CSTF3: variants seen among roughly 807,000 people sequenced by gnomAD.
CSTF3 encodes the protein CF-1 77 kDa subunit.
In CSTF3, 29 loss-of-function variants were observed where a neutral mutation model predicts 105.8. The ratio of observed to expected loss-of-function variants is 0.27; its 90% confidence interval spans 0.20 to 0.37. The LOEUF (loss-of-function observed/expected upper bound fraction) is 0.37, where lower values mean the gene tolerates loss of function less well. Among genes scored for constraint, CSTF3 ranks in the 10% least tolerant of loss-of-function variants. The probability of loss-of-function intolerance (pLI) is 1.00; values close to 1 mark genes in which losing one functional copy is unlikely to be tolerated. For missense variants in CSTF3, 357 were observed against 879.3 expected, an observed-to-expected ratio of 0.41 and a Z score of 7.51; for synonymous variants, 252 against 281.9, an observed-to-expected ratio of 0.89 and a Z score of 1.06.
chr11:33,149,987 G>A (rs1446112517), intron 1 of CSTF3, among the ~76,000 whole-genome samples: 2 of 151,410 alleles, frequency 1.3e-5, no homozygotes, highest in Non-Finnish European at 2.9e-5. Flanking sequence ...CCATTGCACT[G>A]CAGCCTGGGC....
At chr11:33,142,066 C>A (rs922518564) in intron 1 of CSTF3, 80 bp from the exon 2 acceptor site, 70 of 1,583,646 alleles carry the variant, frequency 4.4e-5, no homozygotes, top group Admixed American at 1.9e-4. Flanking sequence ...ACAATAAAGT[C>A]CTCAGATGCA....
At position 33,111,366 on chromosome 11, in the gene CSTF3, G is replaced by A. The variant is rs115938129; in HGVS notation, c.226-2948C>T. On this transcript the variant is annotated intron_variant, in intron 3 of 20. Coordinates refer to ENST00000323959, the MANE Select transcript of CSTF3 (RefSeq NM_001326.3). ...TAGTTTAATAAATTATGATGCATTCGCATCATGGAATATTATGTATTCAGC... is the reference window on the plus strand; with the variant it reads ...TAGTTTAATAAATTATGATGCATTCACATCATGGAATATTATGTATTCAGC... Among the ~76,000 whole-genome samples the A allele has an allele frequency of 6.9e-3, 1,057 of 152,228 alleles. 15 individuals carry two copies. Among genetic ancestry groups the A allele is most frequent in the African/African-American group, 0.024 (1,017 of 41,548 alleles).
intron 20 of CSTF3, 73 bp from the exon 21 acceptor site, chr11:33,085,362 C>CT (rs1554948123): frequency 8.3e-7 from 1 of 1,205,198 alleles, no homozygotes; most frequent in Non-Finnish European, 1.1e-6. Flanking sequence ...ACTGTGGATA[C>CT]TTTATTTCAT....
chr11:33,117,827 C>G (rs1431493809), intron 3 of CSTF3, among the ~76,000 whole-genome samples: 1 of 151,740 alleles, frequency 6.6e-6, no homozygotes, highest in Non-Finnish European at 1.5e-5. Context: ...ACTTTAAAAG[C>G]AATGATGTAT....
rs148810783 is a variant in CSTF3 at position 33,096,976 on chromosome 11, T to C, written c.1131A>G (p.Val377=). Residue 377 remains valine, a splice_region_variant and synonymous_variant, in exon 14 of 21, where the codon GTA becomes GTG. Coordinates refer to ENST00000323959, the MANE Select transcript of CSTF3 (RefSeq NM_001326.3). ...GTGCAAATTTCATATATTGGATATA[T>C]ACCTATGCAAAAGAAAGTATTTGTG... The part of the protein sequence containing the change: ...LAIEDIDPTL[V]YIQYMKFARR... 2.0e-5 allele frequency: 31 copies of C among 1,581,154 alleles called. No individual in the cohort carries two copies. In the African/African-American group the frequency reaches 4.1e-4, roughly 21 times the overall value.
At chr11:33,096,692 TA>T (rs1855226308) in intron 14 of CSTF3, 142 bp downstream of exon 14, 2 of 758,084 alleles carry the variant, frequency 2.6e-6, no homozygotes, top group South Asian at 4.0e-5. Context: ...TGATGCTCCA[TA>T]AAATTTTACA....
intron 3 of CSTF3, among the ~76,000 whole-genome samples, chr11:33,119,241 T>C (rs1016087927): frequency 1.3e-5 from 2 of 151,866 alleles, no homozygotes; most frequent in African/African-American, 4.8e-5. Context: ...TGAGATATTC[T>C]AGTTCACTAA....
chr11:33,105,945 C>G, intron 6 of CSTF3, 28 bp from the exon 7 acceptor site: 1 of 1,578,904 alleles, frequency 6.3e-7, no homozygotes, highest in East Asian at 2.2e-5. Context: ...ATGTTAATAT[C>G]TTTCTTGGTA....
At position 33,085,881 on chromosome 11, in the gene CSTF3, A is replaced by G; in HGVS notation, c.1890+14T>C. 1 of 1,582,108 alleles carries G rather than the reference A, an allele frequency of 6.3e-7. No homozygotes were observed. On this transcript the variant is annotated intron_variant, in intron 19 of 20. Coordinates refer to ENST00000323959, the MANE Select transcript of CSTF3 (RefSeq NM_001326.3). ...CACAGAGCCAGTATCTACCATGAAAATAAGTGAACAAACCTGGAAACAGAT... is the reference window on the plus strand; with the variant it reads ...CACAGAGCCAGTATCTACCATGAAAGTAAGTGAACAAACCTGGAAACAGAT...
intron 3 of CSTF3, among the ~76,000 whole-genome samples, chr11:33,133,474 T>C (rs977593003): frequency 6.6e-6 from 1 of 152,250 alleles, no homozygotes; most frequent in Non-Finnish European, 1.5e-5. Context: ...ACTACGCCTC[T>C]GGATGAAATA....
chr11:33,117,747 T>A (rs1483650674), intron 3 of CSTF3, among the ~76,000 whole-genome samples: 2 of 151,940 alleles, frequency 1.3e-5, no homozygotes, highest in African/African-American at 4.8e-5. Flanking sequence ...ATGATTAAAC[T>A]GTGCTTTGTC....
In CSTF3 at chr11:33,099,924, G is replaced by C. The variant is rs1175969849; in HGVS notation, c.827-207C>G. ...AATTTTTTTTATTTTTGGAAGCAGG[G>C]TCTCTGTCACGTAGGCTGGAGTGCA... On this transcript the variant is annotated intron_variant, in intron 10 of 20. Coordinates refer to ENST00000323959, the MANE Select transcript of CSTF3 (RefSeq NM_001326.3). The surrounding 1 kb of genome is among the most constrained non-coding windows in gnomAD (Gnocchi z 4.1). Among the ~76,000 whole-genome samples, 1 of 151,972 alleles carries C rather than the reference G, an allele frequency of 6.6e-6. No homozygotes were observed. Among genetic ancestry groups the C allele is most frequent in the East Asian group, 1.9e-4 (1 of 5,190 alleles).
intron 3 of CSTF3, among the ~76,000 whole-genome samples, chr11:33,111,140 G>A (rs1305060744): frequency 2.0e-5 from 3 of 152,154 alleles, no homozygotes; most frequent in Admixed American, 2.0e-4. Context: ...TGAGGCAGGA[G>A]AATCACTTGA....
In CSTF3 at chr11:33,098,756, C is replaced by G; in HGVS notation, c.1062G>C (p.Met354Ile). The change falls in exon 13 of 21, where the codon ATG (methionine) becomes ATC (isoleucine). Residue 354 changes from methionine to isoleucine, a missense_variant. Coordinates refer to ENST00000323959, the MANE Select transcript of CSTF3 (RefSeq NM_001326.3). ...FAYADYEESR[M>I]KYEKVHSIYN... ...ATATACTGTGAACCTTTTCATACTT[C>G]ATGCGACTCTAAGGTGGTACAGAAG... 1 of 1,535,854 alleles carries G rather than the reference C, an allele frequency of 6.5e-7. No individual in the cohort carries two copies. Among genetic ancestry groups the G allele is most frequent in the Non-Finnish European group, 8.7e-7 (1 of 1,150,804 alleles).
intron 15 of CSTF3, among the ~76,000 whole-genome samples, chr11:33,095,614 G>A (rs892604518): frequency 3.7e-4 from 56 of 151,802 alleles, no homozygotes; most frequent in Non-Finnish European, 2.1e-4. Flanking sequence ...GAGGTCAGGA[G>A]ATCGAGACCA....
intron 3 of CSTF3, among the ~76,000 whole-genome samples, chr11:33,123,771 C>T (rs1444745674): frequency 1.3e-5 from 2 of 152,056 alleles, no homozygotes; most frequent in African/African-American, 2.4e-5. Flanking sequence ...GTGCATTAAA[C>T]ATCTCTAGAT....
chr11:33,103,789 A>T (rs544731080), intron 8 of CSTF3, among the ~76,000 whole-genome samples: 2 of 152,120 alleles, frequency 1.3e-5, no homozygotes, highest in Admixed American at 1.3e-4. Context: ...AAAAATATGT[A>T]CAGATTCATC....
intron 3 of CSTF3, among the ~76,000 whole-genome samples, chr11:33,137,328 CA>C (rs1855665472): frequency 6.6e-6 from 1 of 151,680 alleles, no homozygotes; most frequent in Admixed American, 6.6e-5. Flanking sequence ...AAAGAAATGT[CA>C]TTATCTAAGT....
chr11:33,141,608 C>G, intron 3 of CSTF3, 59 bp downstream of exon 3: 1 of 1,533,872 alleles, frequency 6.5e-7, no homozygotes, highest in Non-Finnish European at 8.7e-7. Context: ...AACTTGTTTT[C>G]TATCACTACA....
Sources: gnomAD v4.1 joint callset for allele counts (sites outside exome capture counted in the v4.1 genomes callset) on GRCh38, gnomAD v4.1.1 for gene constraint, Gnocchi (gnomAD v3.1) non-coding constraint, MANE v1.5 for transcripts, NCBI Gene and HGNC (gene_info 2026-07-23, HGNC 2026-07-21) for gene names.